Variants in SYN3 observed in about 807,000 individuals in gnomAD.
SYN3 encodes the protein synapsin-3.
A neutral mutation model predicts 65.8 loss-of-function variants in SYN3; 35 were observed. That is an observed-to-expected ratio of 0.53 (90% confidence interval 0.41 to 0.70). SYN3 has a LOEUF of 0.70. SYN3 is among the 30% of genes least tolerant of loss of function. The probability of loss-of-function intolerance (pLI) is 0.00; values close to 1 mark genes in which losing one functional copy is unlikely to be tolerated. For synonymous variants in SYN3, 270 were observed against 292.9 expected (o/e 0.92, Z 0.80); for missense variants, 680 against 749.0 (o/e 0.91, Z 1.08).
At chr22:32,951,568 G>A (rs866064784) in intron 3 of SYN3, among the ~76,000 whole-genome samples, 11 of 152,226 alleles carry the variant, frequency 7.2e-5, no homozygotes, top group African/African-American at 2.4e-4. Context: ...CCTGTGCTCC[G>A]TCAATATCAC....
chr22:32,734,406 C>G (rs1034781860), intron 6 of SYN3, among the ~76,000 whole-genome samples: 2 of 152,296 alleles, frequency 1.3e-5, no homozygotes, highest in Non-Finnish European at 1.5e-5. Flanking sequence ...CCAGCCTTCA[C>G]GCATGTGACC....
chr22:32,540,646 T>C (rs2058239300), intron 8 of SYN3, among the ~76,000 whole-genome samples: 2 of 152,234 alleles, frequency 1.3e-5, no homozygotes, highest in African/African-American at 2.4e-5. Context: ...CCGTGCTTTG[T>C]TGAACCACCT....
intron 2 of SYN3, among the ~76,000 whole-genome samples, chr22:32,981,144 C>T (rs1417926687): frequency 2.6e-5 from 4 of 151,018 alleles, no homozygotes; most frequent in African/African-American, 4.9e-5. Context: ...CGTGAGCCAC[C>T]GCGCCTGGCC....
At chr22:32,884,815 T>C (rs748421547) in intron 4 of SYN3, among the ~76,000 whole-genome samples, 1 of 152,016 alleles carries the variant, frequency 6.6e-6, no homozygotes, top group Non-Finnish European at 1.5e-5. Context: ...AGTCGGAAGT[T>C]GCAGTGAGCC....
chr22:32,566,706 AG>A lies in SYN3; in HGVS notation c.775-24994del, dbSNP rs144554121. On this transcript the variant is annotated intron_variant, in intron 7 of 13. Transcript: ENST00000358763. ...AGCTGGAGAGAATGGAGACAACTAC[AG>A]GCTCCTTTTTAAGAAACTTGGCTGA... Among the ~76,000 whole-genome samples the A allele has an allele frequency of 7.3e-3, 1,116 of 152,328 alleles. 8 individuals carry two copies. Among genetic ancestry groups the A allele is most frequent in the African/African-American group, 0.025 (1,030 of 41,570 alleles).
intron 1 of SYN3, among the ~76,000 whole-genome samples, chr22:33,028,343 C>G (rs1375378242): frequency 6.6e-6 from 1 of 152,202 alleles, no homozygotes; most frequent in Middle Eastern, 3.2e-3. Flanking sequence ...CGCCTAGCCC[C>G]GAAGCCATCT....
intron 1 of SYN3, among the ~76,000 whole-genome samples, chr22:33,032,609 A>G (rs2053775102): frequency 6.6e-6 from 1 of 152,208 alleles, no homozygotes; most frequent in Non-Finnish European, 1.5e-5. Flanking sequence ...CAAGGCAAAC[A>G]TTAAGTCATG....
At chr22:32,533,097 G>A (rs1175839266) in intron 10 of SYN3, among the ~76,000 whole-genome samples, 1 of 151,932 alleles carries the variant, frequency 6.6e-6, no homozygotes, top group African/African-American at 2.4e-5. Flanking sequence ...GAGAGAGGAA[G>A]CGGCGGGGAT....
chr22:32,923,948 T>A (rs2050401566), intron 4 of SYN3, among the ~76,000 whole-genome samples: 1 of 118,980 alleles, frequency 8.4e-6, no homozygotes, highest in Non-Finnish European at 1.7e-5. Context: ...GGTATTTGGT[T>A]TTCTGTTCCT....
At chr22:32,691,927 C>T (rs2060666297) in intron 6 of SYN3, among the ~76,000 whole-genome samples, 1 of 152,042 alleles carries the variant, frequency 6.6e-6, no homozygotes, top group African/African-American at 2.4e-5. Flanking sequence ...AGTTTATTTT[C>T]CCTGGTAGGA....
In SYN3 at chr22:32,729,809, A is replaced by C. The variant is rs558603885; in HGVS notation, c.712-133073T>G. ...CATTGGAATCCCTTCTCTTCCATTC[A>C]CTTGCTGGGTGACCTTGGGCAAATG... On this transcript the variant is annotated intron_variant, in intron 6 of 13. Transcript: ENST00000358763. Among the ~76,000 whole-genome samples the C allele has an allele frequency of 5.9e-5, 9 of 152,262 alleles. No homozygotes were observed. In the South Asian group the frequency reaches 1.9e-3, roughly 32 times the overall value.
chr22:32,730,968 AC>A (rs1001067002), intron 6 of SYN3, among the ~76,000 whole-genome samples: 5 of 151,632 alleles, frequency 3.3e-5, no homozygotes, highest in African/African-American at 1.2e-4. Context: ...GCCTTTCATG[AC>A]CCCCTGGACA....
intron 7 of SYN3, among the ~76,000 whole-genome samples, chr22:32,566,821 A>G (rs2058678005): frequency 6.6e-6 from 1 of 152,180 alleles, no homozygotes; most frequent in South Asian, 2.1e-4. Flanking sequence ...TTAGTGTTGA[A>G]AGATGCCCTT....
intron 1 of SYN3, among the ~76,000 whole-genome samples, chr22:33,048,840 T>C (rs923813910): frequency 6.6e-6 from 1 of 152,216 alleles, no homozygotes; most frequent in Admixed American, 6.5e-5. Flanking sequence ...TTATCCAAAC[T>C]GAATGACGGA....
chr22:32,692,301 G>A (rs1330644407), intron 6 of SYN3, among the ~76,000 whole-genome samples: 2 of 152,154 alleles, frequency 1.3e-5, no homozygotes, highest in Non-Finnish European at 2.9e-5. Flanking sequence ...GCCTGGTCCT[G>A]AGGATCTGAG....
In SYN3 at chr22:32,827,941, A is replaced by G. The variant is rs2047460337; in HGVS notation, c.711+36974T>C. Among the ~76,000 whole-genome samples, 3 of 152,238 alleles carry G rather than the reference A, an allele frequency of 2.0e-5. No individual in the cohort carries two copies. The South Asian group carries it at 6.2e-4, about 32-fold the overall frequency. On this transcript the variant is annotated intron_variant, in intron 6 of 13. Transcript: ENST00000358763. ...CAACTCAAATGTCACCTTCGTAGAGAGGCCTTCCTTGCCTCCCTTCCCCTC... is the reference window on the plus strand; with the variant it reads ...CAACTCAAATGTCACCTTCGTAGAGGGGCCTTCCTTGCCTCCCTTCCCCTC...
chr22:32,974,759 G>A (rs942766899), intron 3 of SYN3, among the ~76,000 whole-genome samples: 3 of 152,146 alleles, frequency 2.0e-5, no homozygotes, highest in East Asian at 3.9e-4. Flanking sequence ...TAGGGGAGTA[G>A]CAATCTCAAC....
In SYN3 at chr22:32,512,148, A is replaced by G. The variant is rs1205875705; in HGVS notation, c.*1544T>C. On this transcript the variant is annotated 3_prime_UTR_variant, in exon 14 of 14. Coordinates refer to ENST00000358763, the MANE Select transcript of SYN3 (RefSeq NM_003490.4). ...TTGGTTTTGAAGGACCAAAAAGGAG[A>G]TGATTGCTTTTATGCTCCTGGGAAC... Among the ~76,000 whole-genome samples the G allele has an allele frequency of 6.6e-6, 1 of 152,180 alleles. No homozygotes were observed. The highest frequency in any genetic ancestry group is 2.4e-5 in the African/African-American group (1 of 41,436).
At chr22:32,993,639 C>T (rs191918247) in intron 2 of SYN3, among the ~76,000 whole-genome samples, 3 of 152,326 alleles carry the variant, frequency 2.0e-5, no homozygotes, top group Non-Finnish European at 4.4e-5. Context: ...CCACCATGCC[C>T]GGCCCAAAGT....
Sources: gnomAD v4.1 joint callset for allele counts (sites outside exome capture counted in the v4.1 genomes callset) on GRCh38, gnomAD v4.1.1 for gene constraint, MANE v1.5 for transcripts, NCBI Gene and HGNC (gene_info 2026-07-23, HGNC 2026-07-21) for gene names.